Variants in CBX7 observed in about 807,000 individuals in gnomAD.
CBX7 encodes the protein chromobox protein homolog 7.
In CBX7, 14 loss-of-function variants were observed where a neutral mutation model predicts 31.4. The observed-to-expected ratio is 0.45, with a 90% CI of 0.29 to 0.70. The LOEUF (loss-of-function observed/expected upper bound fraction) is 0.70, where lower values mean the gene tolerates loss of function less well. Among genes scored for constraint, CBX7 ranks in the 30% least tolerant of loss-of-function variants. The pLI, the probability that CBX7 is intolerant of heterozygous loss-of-function variation, is 0.11. For synonymous variants in CBX7, 159 were observed against 152.6 expected (o/e 1.04, Z -0.31); for missense variants, 269 against 351.9 (o/e 0.76, Z 1.89).
chr22:39,150,179 G>A (rs550010717), intron 1 of CBX7, among the ~76,000 whole-genome samples: 1 of 152,356 alleles, frequency 6.6e-6, no homozygotes, highest in African/African-American at 2.4e-5. Context: ...ACAGTGTCTA[G>A]AGCCCCAGTG....
intron 2 of CBX7, among the ~76,000 whole-genome samples, chr22:39,144,349 G>A (rs991881877): frequency 2.6e-5 from 4 of 152,202 alleles, no homozygotes; most frequent in Non-Finnish European, 4.4e-5. Context: ...TTAAGAGTCA[G>A]GTATTTGTAG....
intron 1 of CBX7, among the ~76,000 whole-genome samples, chr22:39,151,200 T>C (rs890050902): frequency 1.3e-5 from 2 of 152,192 alleles, no homozygotes; most frequent in East Asian, 3.8e-4. Context: ...CTTTGTGGAA[T>C]AAATCAATTC....
chr22:39,137,601 G>A (rs966784788), intron 4 of CBX7, among the ~76,000 whole-genome samples: 6 of 151,988 alleles, frequency 3.9e-5, no homozygotes, highest in South Asian at 2.1e-4. Context: ...CACCCGCCTC[G>A]GCCTCCCAAA....
chr22:39,139,030 C>T (rs796459258), intron 3 of CBX7, among the ~76,000 whole-genome samples: 2 of 152,300 alleles, frequency 1.3e-5, no homozygotes, highest in African/African-American at 2.4e-5. Context: ...CCCCTAAAAA[C>T]GTGGCTCAGT....
At chr22:39,134,204 G>T in intron 5 of CBX7, 156 bp from the exon 6 acceptor site, 1 of 859,102 alleles carries the variant, frequency 1.2e-6, no homozygotes, top group South Asian at 1.8e-5. Context: ...GGCACTGGGT[G>T]CATCCTCCCC....
chr22:39,143,963 A>G (rs981918492), intron 2 of CBX7, among the ~76,000 whole-genome samples: 1 of 152,248 alleles, frequency 6.6e-6, no homozygotes, highest in Non-Finnish European at 1.5e-5. Flanking sequence ...AGACAAAAGC[A>G]AAGCGATGCC....
intron 1 of CBX7, among the ~76,000 whole-genome samples, chr22:39,151,607 T>C (rs1359660197): frequency 6.6e-6 from 1 of 152,104 alleles, no homozygotes; most frequent in Non-Finnish European, 1.5e-5. Context: ...GAAAGGAACT[T>C]CTCCCCAAGG....
intron 2 of CBX7, among the ~76,000 whole-genome samples, chr22:39,145,018 C>T (rs1284956085): frequency 6.6e-6 from 1 of 152,166 alleles, no homozygotes; most frequent in African/African-American, 2.4e-5. Flanking sequence ...CCCAGGCCAC[C>T]GCGTCTGGGA....
intron 1 of CBX7, among the ~76,000 whole-genome samples, chr22:39,151,935 C>A (rs1293017057): frequency 2.0e-5 from 3 of 152,084 alleles, no homozygotes; most frequent in African/African-American, 7.3e-5. Context: ...GGAAAAACTT[C>A]AGAGGCCGGA....
chr22:39,152,459 G>T lies in CBX7; in HGVS notation c.-15C>A, dbSNP rs1252020322. 8.7e-7 allele frequency: 1 copy of T among 1,152,516 alleles called. No individual in the cohort carries two copies. Among genetic ancestry groups the T allele is most frequent in the Non-Finnish European group, 1.1e-6 (1 of 932,002 alleles). The allele number at this position is 1,152,516 out of a possible 1,614,324, so 71.4% of individuals were successfully genotyped here. ...GACAGCTCCATGCGGGGCGGCGGGC[G>T]AGCGGGCCCGGGGCCGGGCCGGGCC... On this transcript the variant is annotated 5_prime_UTR_variant, in exon 1 of 6. Transcript: ENST00000216133. The surrounding 1 kb of genome is among the most constrained non-coding windows in gnomAD (Gnocchi z 4.9).
intron 4 of CBX7, among the ~76,000 whole-genome samples, chr22:39,138,250 A>G (rs1930327435): frequency 6.6e-6 from 1 of 152,070 alleles, no homozygotes; most frequent in East Asian, 1.9e-4. Flanking sequence ...TGTTTCCTCA[A>G]TTCTCAAGTT....
rs1333902844 is a variant in CBX7 at position 39,134,542 on chromosome 22, G to C, written c.457C>G (p.Arg153Gly). 2 of 1,610,170 alleles carry C rather than the reference G, an allele frequency of 1.2e-6. No individual in the cohort carries two copies. ...RKAHKYLRLSRKKFPPRGPNL... is the reference protein window; with the variant it reads ...RKAHKYLRLSGKKFPPRGPNL... Reference sequence around the variant, plus strand: ...GGCCCGCGGGGCGGGAACTTCTTGCGCGAGAGCCGCAGGTACTTGTGGGCC... The same window carrying C: ...GGCCCGCGGGGCGGGAACTTCTTGCCCGAGAGCCGCAGGTACTTGTGGGCC... Residue 153 changes from arginine (R) to glycine (G), a missense_variant, in exon 5 of 6, where the codon CGC (arginine) becomes GGC (glycine). Coordinates refer to ENST00000216133, the MANE Select transcript of CBX7 (RefSeq NM_175709.5).
chr22:39,134,522 G>A lies in CBX7; in HGVS notation c.477C>T (p.Arg159=), dbSNP rs1013123200. 2.5e-5 allele frequency: 41 copies of A among 1,611,732 alleles called. No homozygotes were observed. Among genetic ancestry groups the A allele is most frequent in the Non-Finnish European group, 3.1e-5 (37 of 1,179,600 alleles). Residue 159 remains arginine (R), a synonymous_variant, in exon 5 of 6, where the codon CGC becomes CGT. Transcript: ENST00000216133. ...GGCTGTGGCTCTCCAGGTTGGGCCC[G>A]CGGGGCGGGAACTTCTTGCGCGAGA... ...LRLSRKKFPP[R]GPNLESHSHR...
chr22:39,142,345 T>C (rs992875540), intron 2 of CBX7, among the ~76,000 whole-genome samples: 1 of 152,178 alleles, frequency 6.6e-6, no homozygotes, highest in Non-Finnish European at 1.5e-5. Context: ...CCCTCTTCAG[T>C]GCACCCCACC....
At position 39,132,809 on chromosome 22, in the gene CBX7, A is replaced by C. The variant is rs1683554415; in HGVS notation, c.*1082T>G. The C allele has an allele frequency of 6.6e-6, 1 of 152,370 alleles. No individual in the cohort carries two copies. The highest frequency in any genetic ancestry group is 2.4e-5 in the African/African-American group (1 of 41,290). The allele number at this position is 152,370 out of a possible 1,614,324, so 9.4% of individuals were successfully genotyped here. On this transcript the variant is annotated 3_prime_UTR_variant, in exon 6 of 6. Coordinates refer to ENST00000216133, the MANE Select transcript of CBX7 (RefSeq NM_175709.5). ...GGAGGGGAGGGCAGAAAAAGAGGGG[A>C]ATTGGAAGGGCTGAAAAGTCACCTG...
intron 3 of CBX7, among the ~76,000 whole-genome samples, 156 bp from the exon 4 acceptor site, chr22:39,138,858 TAAC>T (rs964670903): frequency 7.2e-5 from 11 of 152,300 alleles, no homozygotes; most frequent in Admixed American, 5.9e-4. Flanking sequence ...GCTGGGGCCA[TAAC>T]AACGGGGTCA....
At chr22:39,151,904 G>A (rs1930871184) in intron 1 of CBX7, among the ~76,000 whole-genome samples, 1 of 151,836 alleles carries the variant, frequency 6.6e-6, no homozygotes, top group African/African-American at 2.4e-5. Flanking sequence ...GGGCAGGATC[G>A]GAAAAGGCCA....
At chr22:39,144,286 G>A (rs1307112009) in intron 2 of CBX7, among the ~76,000 whole-genome samples, 3 of 152,136 alleles carry the variant, frequency 2.0e-5, no homozygotes, top group African/African-American at 7.2e-5. Context: ...CCTGCCAGCC[G>A]GCCCTCCCTC....
chr22:39,134,690 G>A lies in CBX7; in HGVS notation c.309C>T (p.Phe103=). 1.9e-6 allele frequency: 3 copies of A among 1,584,354 alleles called. No individual in the cohort carries two copies. Among genetic ancestry groups the A allele is most frequent in the Non-Finnish European group, 2.6e-6 (3 of 1,164,498 alleles). The part of the protein sequence containing the change: ...HKAKGKEKLC[F]SLTCPLGSGS... ...CGCTGCCGAGTGGGCACGTCAGGGA[G>A]AAGCAGAGCTTCTCCTTGCCCTTGG... is the stretch of plus-strand genomic sequence containing the variant. The change falls in exon 5 of 6, where the codon TTC becomes TTT. Residue 103 remains phenylalanine, a synonymous_variant. Transcript: ENST00000216133.
Sources: gnomAD v4.1 joint callset for allele counts (sites outside exome capture counted in the v4.1 genomes callset) on GRCh38, gnomAD v4.1.1 for gene constraint, Gnocchi (gnomAD v3.1) non-coding constraint, MANE v1.5 for transcripts, NCBI Gene and HGNC (gene_info 2026-07-23, HGNC 2026-07-21) for gene names.